The following MCM10 variants were observed in gnomAD, a reference collection of about 807,000 sequenced individuals.
MCM10 encodes the protein protein MCM10 homolog.
MCM10 carries 91 observed loss-of-function variants against 109.9 expected under a neutral mutation model. That is an observed-to-expected ratio of 0.83 (90% CI 0.70 to 0.99). The LOEUF (loss-of-function observed/expected upper bound fraction) is 0.99. Ranked by LOEUF, MCM10 falls within the 50% of genes least tolerant of loss-of-function variation. The pLI is 0.00. For missense variants in MCM10, 1,077 were observed against 1,061.2 expected, an observed-to-expected ratio of 1.01 and a Z score of -0.21; for synonymous variants, 380 against 387.2, an observed-to-expected ratio of 0.98 and a Z score of 0.22.
chr10:13,196,959 C>T (rs1385688798), intron 14 of MCM10, among the ~76,000 whole-genome samples: 1 of 152,208 alleles, frequency 6.6e-6, no homozygotes, highest in African/African-American at 2.4e-5. Flanking sequence ...GGGTCTCACT[C>T]TGTCTCCCAG....
rs1834132386 is a variant in MCM10 at position 13,175,638 on chromosome 10, A to G, written c.721A>G (p.Thr241Ala). 3 of 1,613,148 alleles carry G rather than the reference A, an allele frequency of 1.9e-6. No individual in the cohort carries two copies. The highest frequency in any genetic ancestry group is 2.5e-6 in the Non-Finnish European group (3 of 1,179,436). The change falls in exon 6 of 20, where the codon ACT becomes GCT. Residue 241 changes from threonine to alanine, a missense_variant. Coordinates refer to ENST00000378714, the MANE Select transcript of MCM10 (RefSeq NM_018518.5). ...VGTPGSSGET[T>A]QPICVEAFSG... ...GACCCCAGGAAGTTCTGGGGAAACG[A>G]CTCAACCCATCTGTGTGGAAGCCTT... is the stretch of plus-strand genomic sequence containing the variant.
chr10:13,174,195 T>C (rs970865402), intron 5 of MCM10, among the ~76,000 whole-genome samples: 1 of 133,348 alleles, frequency 7.5e-6, no homozygotes, highest in Non-Finnish European at 1.5e-5. Flanking sequence ...CAGGTTGGAG[T>C]GCAGTGGGAT....
chr10:13,201,688 C>T (rs11258249), intron 17 of MCM10, 154 bp downstream of exon 17: 37,545 of 610,678 alleles, frequency 0.061, 1,425 homozygotes, highest in Admixed American at 0.096. Context: ...GCCCAGGACC[C>T]GGCTTCCTGC....
In MCM10 at chr10:13,172,594, T is replaced by A. The variant is rs143966559; in HGVS notation, c.455-34T>A. On this transcript the variant is annotated intron_variant, in intron 4 of 19. Coordinates refer to ENST00000378714, the MANE Select transcript of MCM10 (RefSeq NM_018518.5). The surrounding 1 kb of genome is among the most constrained non-coding windows in gnomAD (Gnocchi z 5.2). ...CCCTTTGAACCTCTTTCTGAATGGG[T>A]TTTTACTCACTTATTTTACTTTTGA... 515 of 1,612,778 alleles carry A rather than the reference T, an allele frequency of 3.2e-4. 1 individual carries two copies. In the African/African-American group the frequency reaches 3.2e-3, roughly 10 times the overall value.
intron 2 of MCM10, among the ~76,000 whole-genome samples, chr10:13,166,687 T>A (rs114699044): frequency 0.041 from 5,698 of 137,892 alleles, 203 homozygotes; most frequent in Admixed American, 0.072. Flanking sequence ...TATATATATA[T>A]ATCATCAGCT....
chr10:13,175,521 TCATC>T lies in MCM10; in HGVS notation c.605_608del (p.Ser202PhefsTer4). On this transcript the variant is annotated frameshift_variant, in exon 6 of 20. Transcript: ENST00000378714. LOFTEE classifies it high-confidence loss of function. ...TGTTAATTTTCTAGATCCCAAAAGC[TCATC>T]TTCAAGGATGACAAGTGCACCCTCC... 6.2e-7 allele frequency: 1 copy of T among 1,613,828 alleles called. No individual in the cohort carries two copies. Among genetic ancestry groups the T allele is most frequent in the Non-Finnish European group, 8.5e-7 (1 of 1,179,830 alleles).
chr10:13,192,294 A>G lies in MCM10; in HGVS notation c.1556A>G (p.Lys519Arg), dbSNP rs1316649814. 6.2e-7 allele frequency: 1 copy of G among 1,614,194 alleles called. No homozygotes were observed. The highest frequency in any genetic ancestry group is 8.5e-7 in the Non-Finnish European group (1 of 1,180,040). Reference protein sequence around the residue: ...QKSLSCSEEFKELMDLPTCGA... With the variant: ...QKSLSCSEEFRELMDLPTCGA... ...AGCCTGTCTTGCTCTGAGGAGTTCA[A>G]GGAACTGATGGACCTGCCGACGTGT... Residue 519 changes from lysine (K) to arginine (R), a missense_variant, in exon 12 of 20, where the codon AAG becomes AGG. Physicochemically the swap from Lys to Arg is conservative, Grantham distance 26. Coordinates refer to ENST00000378714, the MANE Select transcript of MCM10 (RefSeq NM_018518.5).
chr10:13,180,635 G>GT, intron 7 of MCM10, 28 bp downstream of exon 7: 1 of 1,610,592 alleles, frequency 6.2e-7, no homozygotes. Context: ...TTTCTTAGCT[G>GT]TTTTACTACA....
In MCM10 at chr10:13,192,674, C is replaced by T. The variant is rs755266239; in HGVS notation, c.1745+106C>T. ...TGTGACTTCAGGTTTCGGTTGGCTGCGTTTTAACTCTGAAAGTTTAAAATA... is the reference window on the plus strand; with the variant it reads ...TGTGACTTCAGGTTTCGGTTGGCTGTGTTTTAACTCTGAAAGTTTAAAATA... On this transcript the variant is annotated intron_variant, in intron 13 of 19. Transcript: ENST00000378714. 2.3e-5 allele frequency: 22 copies of T among 967,836 alleles called. No homozygotes were observed. The Admixed American group carries it at 2.6e-4, about 12-fold the overall frequency. The allele number at this position is 967,836 out of a possible 1,614,324, so 60.0% of individuals were successfully genotyped here. A position where few individuals can be genotyped will look rare whatever the true frequency, so the allele number is the denominator to read the frequency against.
chr10:13,175,214 G>T (rs1287980870), intron 5 of MCM10, among the ~76,000 whole-genome samples: 2 of 152,096 alleles, frequency 1.3e-5, no homozygotes, highest in African/African-American at 4.8e-5. Flanking sequence ...TGGGTGGATT[G>T]CTTGGGCTCA....
chr10:13,204,230 C>G lies in MCM10; in HGVS notation c.2364C>G (p.Thr788=). 6.2e-7 allele frequency: 1 copy of G among 1,614,048 alleles called. No individual in the cohort carries two copies. Among genetic ancestry groups the G allele is most frequent in the Non-Finnish European group, 8.5e-7 (1 of 1,179,990 alleles). ...RVVTCKTCAY[T]HFKLLETCVS... is the part of the protein sequence containing the mutation. ...GTTGCTCTGTGCAGTGCGCCTATACCCACTTCAAGCTGCTGGAGACCTGCG... is the reference window on the plus strand; with the variant it reads ...GTTGCTCTGTGCAGTGCGCCTATACGCACTTCAAGCTGCTGGAGACCTGCG... Residue 788 remains threonine (T), a synonymous_variant, in exon 18 of 20, where the codon ACC becomes ACG. Transcript: ENST00000378714.
intron 2 of MCM10, among the ~76,000 whole-genome samples, chr10:13,165,517 G>A (rs1381363199): frequency 6.6e-6 from 1 of 152,170 alleles, no homozygotes; most frequent in East Asian, 1.9e-4. Context: ...GAGGTGAATG[G>A]ATACCTGTTC....
At chr10:13,195,404 A>C (rs1404100520) in intron 14 of MCM10, 135 bp downstream of exon 14, 6 of 666,406 alleles carry the variant, frequency 9.0e-6, no homozygotes, top group Non-Finnish European at 1.5e-5. Flanking sequence ...TGGTAGTGTC[A>C]ACATAATACT....
Position 13,209,075 on chromosome 10 carries a change from ATC to A in MCM10, c.2499-14_2499-13del. On this transcript the variant is annotated splice_polypyrimidine_tract_variant and intron_variant, in intron 18 of 19. Coordinates refer to ENST00000378714, the MANE Select transcript of MCM10 (RefSeq NM_018518.5). Reference sequence around the variant, plus strand: ...CTACACCACCCTGCTGAGTAAATCCATCTGTTCTGTTTCAGTAACTGTGGCCT... The same window carrying A: ...CTACACCACCCTGCTGAGTAAATCCATGTTCTGTTTCAGTAACTGTGGCCT... 6.2e-7 allele frequency: 1 copy of A among 1,605,444 alleles called. No homozygotes were observed. The highest frequency in any genetic ancestry group is 8.5e-7 in the Non-Finnish European group (1 of 1,172,104).
chr10:13,169,100 C>G (rs961186591), intron 2 of MCM10, among the ~76,000 whole-genome samples: 18 of 152,208 alleles, frequency 1.2e-4, no homozygotes, highest in African/African-American at 4.3e-4. Context: ...CAATATGGCG[C>G]TGGCCAGGTA....
In MCM10 at chr10:13,192,303, T is replaced by G; in HGVS notation, c.1565T>G (p.Met522Arg). The change falls in exon 12 of 20, where the codon ATG (methionine) becomes AGG (arginine). Residue 522 changes from methionine (M) to arginine (R), a missense_variant. By Grantham distance (91) the Met-to-Arg change is moderately conservative (BLOSUM62 -1). Transcript: ENST00000378714. Reference protein sequence around the residue: ...LSCSEEFKELMDLPTCGARNL... With the variant: ...LSCSEEFKELRDLPTCGARNL... ...TGCTCTGAGGAGTTCAAGGAACTGA[T>G]GGACCTGCCGACGTGTGGAGCCAGG... 2 of 1,614,198 alleles carry G rather than the reference T, an allele frequency of 1.2e-6. No homozygotes were observed. The highest frequency in any genetic ancestry group is 1.1e-5 in the South Asian group (1 of 91,076).
chr10:13,174,159 T>G (rs1025089998), intron 5 of MCM10, among the ~76,000 whole-genome samples: 3 of 112,018 alleles, frequency 2.7e-5, no homozygotes, highest in Non-Finnish European at 5.4e-5. Context: ...TTTTTTTTTT[T>G]TGAGACAGAG....
intron 17 of MCM10, 31 bp from the exon 18 acceptor site, chr10:13,204,188 G>A (rs184282585): frequency 7.2e-5 from 116 of 1,603,220 alleles, no homozygotes; most frequent in Admixed American, 1.7e-4. Context: ...GCTCTTCACC[G>A]GCGGTGTGGG....
intron 8 of MCM10, among the ~76,000 whole-genome samples, chr10:13,185,941 T>C (rs1462426367): frequency 2.0e-5 from 3 of 152,204 alleles, no homozygotes; most frequent in Non-Finnish European, 4.4e-5. Flanking sequence ...TTGTGGTTTT[T>C]TGTAGAGACA....
Sources: allele counts gnomAD v4.1 joint callset (sites outside exome capture counted in the v4.1 genomes callset), GRCh38; gene constraint gnomAD v4.1.1; non-coding constraint Gnocchi (gnomAD v3.1); transcripts MANE v1.5; gene names NCBI Gene and HGNC (gene_info 2026-07-23, HGNC 2026-07-21).